ZRANB3: variants seen among roughly 807,000 people sequenced by gnomAD.
The protein encoded by ZRANB3 is DNA annealing helicase and endonuclease ZRANB3.
Under a neutral mutation model 133.8 loss-of-function variants are expected in ZRANB3, and 125 were observed. The observed-to-expected ratio is 0.93, with a 90% CI of 0.81 to 1.08. The LOEUF is 1.08. ZRANB3 is among the 50% of genes least tolerant of loss of function. ZRANB3 has a pLI of 0.00. For missense variants in ZRANB3, 1,229 were observed against 1,275.5 expected (o/e 0.96, Z 0.56); for synonymous variants, 387 against 432.7 (o/e 0.89, Z 1.31).
intron 2 of ZRANB3, among the ~76,000 whole-genome samples, chr2:135,394,268 A>G (rs947987681): frequency 3.7e-4 from 56 of 152,232 alleles, no homozygotes; most frequent in African/African-American, 1.3e-3. Context: ...AAAGCAAACC[A>G]TTTCAGTAAA....
chr2:135,357,948 C>CT (rs1558940995), intron 3 of ZRANB3, among the ~76,000 whole-genome samples: 1 of 152,134 alleles, frequency 6.6e-6, no homozygotes, highest in Non-Finnish European at 1.5e-5. Flanking sequence ...TACCTCATTC[C>CT]TTTTAAGACT....
intron 12 of ZRANB3, among the ~76,000 whole-genome samples, chr2:135,244,414 T>C (rs1203944088): frequency 6.6e-6 from 1 of 152,124 alleles, no homozygotes; most frequent in African/African-American, 2.4e-5. Context: ...GAAACCAGCC[T>C]GGCCAACACG....
chr2:135,281,806 T>C (rs955532037), intron 8 of ZRANB3, among the ~76,000 whole-genome samples: 5 of 152,220 alleles, frequency 3.3e-5, no homozygotes, highest in Non-Finnish European at 5.9e-5. Flanking sequence ...CTAACAATGT[T>C]AGGACCTTTT....
chr2:135,392,339 A>G (rs181600948), intron 2 of ZRANB3, among the ~76,000 whole-genome samples: 2 of 109,028 alleles, frequency 1.8e-5, no homozygotes, highest in Non-Finnish European at 3.4e-5. Context: ...CAAAATGAAA[A>G]TACAAAAAAA....
chr2:135,312,295 C>A (rs1683033521), intron 8 of ZRANB3, among the ~76,000 whole-genome samples: 1 of 151,676 alleles, frequency 6.6e-6, no homozygotes, highest in African/African-American at 2.4e-5. Context: ...ATCTTCTGAG[C>A]TAAGCGATCC....
chr2:135,289,306 A>T (rs1681560798), intron 8 of ZRANB3, among the ~76,000 whole-genome samples: 2 of 152,040 alleles, frequency 1.3e-5, no homozygotes, highest in South Asian at 4.2e-4. Flanking sequence ...CCAAGGCTGG[A>T]GTGTAGTGGC....
intron 9 of ZRANB3, among the ~76,000 whole-genome samples, chr2:135,273,697 C>A (rs1680649373): frequency 6.6e-6 from 1 of 152,146 alleles, no homozygotes; most frequent in African/African-American, 2.4e-5. Flanking sequence ...TGCCACCACG[C>A]CCGGCTAATT....
intron 2 of ZRANB3, among the ~76,000 whole-genome samples, chr2:135,399,080 T>C (rs1480385015): frequency 6.6e-6 from 1 of 152,150 alleles, no homozygotes; most frequent in Admixed American, 6.6e-5. Context: ...GGAGAAGATA[T>C]GGGTTTTAAA....
At chr2:135,425,526 A>G (rs989601023) in intron 2 of ZRANB3, among the ~76,000 whole-genome samples, 2 of 152,218 alleles carry the variant, frequency 1.3e-5, no homozygotes, top group Non-Finnish European at 2.9e-5. Context: ...TGCTGTGAGT[A>G]GATTTTTCCA....
intron 2 of ZRANB3, among the ~76,000 whole-genome samples, chr2:135,498,370 C>CA (rs1438442927): frequency 6.6e-6 from 1 of 152,164 alleles, no homozygotes; most frequent in African/African-American, 2.4e-5. Flanking sequence ...GTCTTTACTG[C>CA]AATCTCTGAA....
intron 8 of ZRANB3, among the ~76,000 whole-genome samples, chr2:135,285,939 T>C (rs953118478): frequency 6.6e-6 from 1 of 152,232 alleles, no homozygotes; most frequent in African/African-American, 2.4e-5. Flanking sequence ...AATAATGATA[T>C]AGAAGAAAAG....
intron 2 of ZRANB3, among the ~76,000 whole-genome samples, chr2:135,439,224 C>T (rs1398227721): frequency 6.6e-6 from 1 of 152,130 alleles, no homozygotes; most frequent in Non-Finnish European, 1.5e-5. Flanking sequence ...TTATAGAATA[C>T]TTTGCCTATG....
At chr2:135,460,816 G>C (rs1321813261) in intron 2 of ZRANB3, among the ~76,000 whole-genome samples, 1 of 151,884 alleles carries the variant, frequency 6.6e-6, no homozygotes, top group Non-Finnish European at 1.5e-5. Context: ...TTCTATTTTT[G>C]CCTTAAAATA....
chr2:135,294,435 G>A lies in ZRANB3; in HGVS notation c.967-18680C>T, dbSNP rs1293781152. ...TGGTTTGTATTTCTGTGGGATCGGCGGTGATATCCCCTTTGTCATTTTTTA... is the reference window on the plus strand; with the variant it reads ...TGGTTTGTATTTCTGTGGGATCGGCAGTGATATCCCCTTTGTCATTTTTTA... On this transcript the variant is annotated intron_variant, in intron 8 of 20. Transcript: ENST00000264159. Among the ~76,000 whole-genome samples, 7 of 151,994 alleles carry A rather than the reference G, an allele frequency of 4.6e-5. No individual in the cohort carries two copies. The East Asian group carries it at 9.7e-4, about 21-fold the overall frequency.
intron 2 of ZRANB3, among the ~76,000 whole-genome samples, chr2:135,419,459 G>A (rs1380278342): frequency 2.0e-5 from 3 of 152,002 alleles, no homozygotes; most frequent in Non-Finnish European, 4.4e-5. Context: ...AAGACTCTGA[G>A]AGAAAATCAT....
chr2:135,477,813 G>A (rs1691569429), intron 2 of ZRANB3, among the ~76,000 whole-genome samples: 1 of 152,130 alleles, frequency 6.6e-6, no homozygotes, highest in African/African-American at 2.4e-5. Flanking sequence ...GGGCAACACA[G>A]TGAGACTCCA....
At chr2:135,326,898 C>CAAAAAAAAA in intron 6 of ZRANB3, among the ~76,000 whole-genome samples, 1 of 61,462 alleles carries the variant, frequency 1.6e-5, no homozygotes, top group Non-Finnish European at 4.2e-5. Flanking sequence ...GACTCCATCT[C>CAAAAAAAAA]AAAAAAAAAA....
chr2:135,315,434 C>A lies in ZRANB3; in HGVS notation c.774G>T (p.Lys258Asn), dbSNP rs1226379708. ...GGGGTAGCTGGGTTAAAACTTCAGT[C>A]TTTAATCTTCTAATCATTATGTCAC... The part of the protein sequence containing the change: ...LLSDIMIRRL[K>N]TEVLTQLPPK... Residue 258 changes from lysine (K) to asparagine (N), a missense_variant, in exon 7 of 21, where the codon AAG becomes AAT. By Grantham distance (94) the Lys-to-Asn change is moderately conservative. Coordinates refer to ENST00000264159, the MANE Select transcript of ZRANB3 (RefSeq NM_032143.4). 1 of 1,605,088 alleles carries A rather than the reference C, an allele frequency of 6.2e-7. No homozygotes were observed. The highest frequency in any genetic ancestry group is 2.3e-5 in the East Asian group (1 of 44,308).
intron 2 of ZRANB3, among the ~76,000 whole-genome samples, chr2:135,446,059 A>C (rs1325396272): frequency 1.3e-5 from 2 of 151,566 alleles, no homozygotes; most frequent in Non-Finnish European, 2.9e-5. Context: ...ACAAAAACTT[A>C]GCTGGGCATA....
Sources: gnomAD v4.1 joint callset for allele counts (sites outside exome capture counted in the v4.1 genomes callset) on GRCh38, gnomAD v4.1.1 for gene constraint, MANE v1.5 for transcripts, NCBI Gene and HGNC (gene_info 2026-07-23, HGNC 2026-07-21) for gene names.